Variants in FANCD2 observed in about 807,000 individuals in gnomAD.
FANCD2 encodes FA complementation group D2.
Under a neutral mutation model 192.3 loss-of-function variants are expected in FANCD2, and 131 were observed. The observed-to-expected ratio is 0.68, with a 90% CI of 0.59 to 0.79. FANCD2 has a LOEUF of 0.79. FANCD2 is among the 30% of genes least tolerant of loss of function. The pLI, the probability that FANCD2 is intolerant of heterozygous loss-of-function variation, is 0.00. For synonymous variants in FANCD2, 524 were observed against 612.5 expected, an observed-to-expected ratio of 0.86 and a Z score of 2.13; for missense variants, 1,508 against 1,701.6, an observed-to-expected ratio of 0.89 and a Z score of 2.00.
At chr3:10,072,708 C>T (rs1340213465) in intron 26 of FANCD2, among the ~76,000 whole-genome samples, 163 bp from the exon 27 acceptor site, 1 of 152,206 alleles carries the variant, frequency 6.6e-6, no homozygotes, top group Non-Finnish European at 1.5e-5. Context: ...GGCCATTTTG[C>T]TATGCCAAAA....
intron 7 of FANCD2, among the ~76,000 whole-genome samples, chr3:10,036,866 C>CA (rs2086744200): frequency 6.6e-6 from 1 of 151,960 alleles, no homozygotes; most frequent in Non-Finnish European, 1.5e-5. Flanking sequence ...GACAGGGTCT[C>CA]ACTCTGTTGC....
intron 18 of FANCD2, among the ~76,000 whole-genome samples, chr3:10,055,595 G>T (rs2125019417): frequency 6.6e-6 from 1 of 152,188 alleles, no homozygotes; most frequent in East Asian, 1.9e-4. Flanking sequence ...GGCAGATCAT[G>T]AGGTCAGGAG....
At chr3:10,052,083 C>T (rs1247701234) in intron 17 of FANCD2, among the ~76,000 whole-genome samples, 1 of 151,860 alleles carries the variant, frequency 6.6e-6, no homozygotes, top group Non-Finnish European at 1.5e-5. Context: ...GATTAAAGCC[C>T]AGGATTGTGG....
At chr3:10,088,161 T>G (rs1559404312) in intron 34 of FANCD2, among the ~76,000 whole-genome samples, 1 of 152,104 alleles carries the variant, frequency 6.6e-6, no homozygotes, top group South Asian at 2.1e-4. Context: ...CCAGCAGCAT[T>G]CCTTTTCTCT....
chr3:10,054,401 ATGTATATACG>A lies in FANCD2; in HGVS notation c.1656+1906_1656+1915del, dbSNP rs2087323600. ...TACATATATATATGTATATACGTAT[ATGTATATACG>A]TATATACATATATACATGTATATAC... is the stretch of plus-strand genomic sequence containing the variant. On this transcript the variant is annotated intron_variant, in intron 18 of 43. Transcript: ENST00000675286. Among the ~76,000 whole-genome samples, 2 of 98,446 alleles carry A rather than the reference ATGTATATACG, an allele frequency of 2.0e-5. 1 individual carries two copies. Among genetic ancestry groups the A allele is most frequent in the Non-Finnish European group, 3.7e-5 (2 of 53,876 alleles). 64.6% of individuals were successfully genotyped at this position (98,446 alleles called of 152,430 possible).
chr3:10,037,701 T>C (rs1264465718), intron 7 of FANCD2: 3 of 152,194 alleles, frequency 2.0e-5, no homozygotes, highest in African/African-American at 7.2e-5. Context: ...AATTGAGATG[T>C]TCAAAAAATA....
At chr3:10,074,017 C>T (rs1194740513) in intron 28 of FANCD2, among the ~76,000 whole-genome samples, 2 of 152,162 alleles carry the variant, frequency 1.3e-5, no homozygotes, top group African/African-American at 4.8e-5. Context: ...ACGATCTTGG[C>T]TCACTGCAAC....
intron 5 of FANCD2, 26 bp from the exon 6 acceptor site, chr3:10,035,147 A>G: frequency 6.3e-7 from 1 of 1,589,352 alleles, no homozygotes; most frequent in Non-Finnish European, 8.6e-7. Context: ...AGCAAAGTGG[A>G]AAACAGATTT....
chr3:10,047,877 C>G, intron 15 of FANCD2, 40 bp from the exon 16 acceptor site: 1 of 1,611,210 alleles, frequency 6.2e-7, no homozygotes, highest in Non-Finnish European at 8.5e-7. Context: ...CTAACTGTTT[C>G]CTACAGCTTC....
At chr3:10,062,247 C>CAT in intron 20 of FANCD2, 36 bp downstream of exon 20, 1 of 1,340,392 alleles carries the variant, frequency 7.5e-7, no homozygotes, top group Non-Finnish European at 1.0e-6. Flanking sequence ...TTTTTCCTGT[C>CAT]TTTTTTTTTT....
At chr3:10,045,088 G>GTTTTTTTTTTT (rs76340293) in intron 14 of FANCD2, among the ~76,000 whole-genome samples, 17,284 of 126,174 alleles carry the variant, frequency 0.14, 1,696 homozygotes, top group African/African-American at 0.28. Context: ...CTTTTTAACT[G>GTTTTTTTTTTT]TTTTTTTTTT....
chr3:10,081,557 G>C (rs756389891), intron 32 of FANCD2, 93 bp downstream of exon 32: 5 of 929,326 alleles, frequency 5.4e-6, no homozygotes, highest in African/African-American at 3.2e-5. Context: ...GAAAGAAAAG[G>C]TTCAAAAATC....
At chr3:10,089,137 T>C (rs1160593803) in intron 36 of FANCD2, among the ~76,000 whole-genome samples, 187 bp downstream of exon 36, 3 of 151,918 alleles carry the variant, frequency 2.0e-5, no homozygotes, top group Non-Finnish European at 4.4e-5. Flanking sequence ...ATACAAAAAT[T>C]AGCCGGGCGT....
intron 24 of FANCD2, among the ~76,000 whole-genome samples, 159 bp from the exon 25 acceptor site, chr3:10,065,705 G>A (rs2087699800): frequency 6.6e-6 from 1 of 152,184 alleles, no homozygotes; most frequent in South Asian, 2.1e-4. Context: ...AGTTATATTT[G>A]TTGATTGCTA....
chr3:10,047,244 T>C lies in FANCD2; in HGVS notation c.1278+521T>C, dbSNP rs1185889256. ...AATAGATTTAACGGTTGTATTATTTTATCTTGCAGTTCTTTCTGTGTTTAT... is the reference window on the plus strand; with the variant it reads ...AATAGATTTAACGGTTGTATTATTTCATCTTGCAGTTCTTTCTGTGTTTAT... On this transcript the variant is annotated intron_variant, in intron 15 of 43. Coordinates refer to ENST00000675286, the MANE Select transcript of FANCD2 (RefSeq NM_001018115.3). Among the ~76,000 whole-genome samples the C allele has an allele frequency of 2.0e-5, 3 of 152,302 alleles. 1 individual carries two copies. The highest frequency in any genetic ancestry group is 3.8e-4 in the East Asian group (2 of 5,208).
chr3:10,090,443 A>ATTTTTTTTGTTTTTT, intron 37 of FANCD2, 58 bp downstream of exon 37: 1 of 340,200 alleles, frequency 2.9e-6, no homozygotes, highest in Non-Finnish European at 5.2e-6. Flanking sequence ...GAAGTTGCTG[A>ATTTTTTTTGTTTTTT]TTTTTTTTTT....
At chr3:10,084,950 G>GT (rs1386876005) in intron 32 of FANCD2, among the ~76,000 whole-genome samples, 2 of 144,176 alleles carry the variant, frequency 1.4e-5, no homozygotes, top group Non-Finnish European at 3.1e-5. Context: ...CACTCAAAAG[G>GT]TGTCACTATG....
Position 10,062,085 on chromosome 3 carries a change from G to A in FANCD2, c.1767-66G>A, listed in dbSNP as rs1575787141. 1.9e-5 allele frequency: 23 copies of A among 1,214,876 alleles called. No homozygotes were observed. The East Asian group carries it at 2.6e-4, about 14-fold the overall frequency. 75.3% of individuals were successfully genotyped at this position (1,214,876 alleles called of 1,614,324 possible). On this transcript the variant is annotated intron_variant, in intron 19 of 43. Transcript: ENST00000675286. ...GTATACATATGTAACAAACCTGCAC[G>A]TTGTGCACATGTACCCTAAAACTTA...
intron 18 of FANCD2, 74 bp from the exon 19 acceptor site, chr3:10,060,220 T>A: frequency 1.0e-6 from 1 of 987,316 alleles, no homozygotes; most frequent in Non-Finnish European, 1.6e-6. Context: ...AGTCTAGCTA[T>A]ATGGCTCGAT....
Sources: gnomAD v4.1 joint callset for allele counts (sites outside exome capture counted in the v4.1 genomes callset) on GRCh38, gnomAD v4.1.1 for gene constraint, MANE v1.5 for transcripts, NCBI Gene and HGNC (gene_info 2026-07-23, HGNC 2026-07-21) for gene names.